EHBP1: variants seen among roughly 807,000 people sequenced by gnomAD.
EHBP1 encodes the protein EH domain-binding protein 1.
Under a neutral mutation model 144.0 loss-of-function variants are expected in EHBP1, and 55 were observed. That is an observed-to-expected ratio of 0.38 (90% CI 0.31 to 0.48). The LOEUF is 0.48. Ranked by LOEUF, EHBP1 falls within the 20% of genes least tolerant of loss-of-function variation. The pLI, the probability that EHBP1 is intolerant of heterozygous loss-of-function variation, is 0.98. For missense variants in EHBP1, 1,200 were observed against 1,364.2 expected (o/e 0.88, Z 1.90); for synonymous variants, 469 against 472.7 (o/e 0.99, Z 0.10).
chr2:62,680,224 T>A (rs1183327291), intron 1 of EHBP1, among the ~76,000 whole-genome samples: 1 of 152,178 alleles, frequency 6.6e-6, no homozygotes, highest in East Asian at 1.9e-4. Context: ...ACAACATGTC[T>A]CCCATTTGAA....
At position 62,949,087 on chromosome 2, in the gene EHBP1, G is replaced by A. The variant is rs2153091346; in HGVS notation, c.2241G>A (p.Leu747=). The change falls in exon 13 of 23, where the codon CTG becomes CTA. Residue 747 remains leucine (L), a synonymous_variant. Coordinates refer to ENST00000431489, the MANE Select transcript of EHBP1 (RefSeq NM_001142616.3). ...LDLAKKKHAS[L]RQTESDPDAD... Reference sequence around the variant, plus strand: ...TTGCTAAGAAAAAACATGCTTCCCTGAGGCAGACGGAGTCTGATCCAGATG... The same window carrying A: ...TTGCTAAGAAAAAACATGCTTCCCTAAGGCAGACGGAGTCTGATCCAGATG... 1 of 1,603,256 alleles carries A rather than the reference G, an allele frequency of 6.2e-7. No individual in the cohort carries two copies. The highest frequency in any genetic ancestry group is 1.3e-5 in the African/African-American group (1 of 74,164).
chr2:62,836,052 CAA>C (rs1163181068), intron 7 of EHBP1, among the ~76,000 whole-genome samples: 2 of 152,046 alleles, frequency 1.3e-5, no homozygotes, highest in African/African-American at 4.8e-5. Context: ...CACAGACAAA[CAA>C]AAAGACAGCA....
At chr2:62,902,236 T>C (rs1202713097) in intron 10 of EHBP1, among the ~76,000 whole-genome samples, 1 of 152,146 alleles carries the variant, frequency 6.6e-6, no homozygotes, top group Non-Finnish European at 1.5e-5. Flanking sequence ...GATTAAGGTA[T>C]GAATTTTTCA....
intron 1 of EHBP1, among the ~76,000 whole-genome samples, chr2:62,687,660 G>A (rs977237217): frequency 1.3e-5 from 2 of 152,136 alleles, no homozygotes; most frequent in African/African-American, 4.8e-5. Flanking sequence ...GTGGATTGAT[G>A]TGCCAATCTA....
At chr2:62,719,757 G>A (rs2036033286) in intron 2 of EHBP1, among the ~76,000 whole-genome samples, 1 of 152,146 alleles carries the variant, frequency 6.6e-6, no homozygotes, top group Non-Finnish European at 1.5e-5. Context: ...AAGTAATTTA[G>A]AGATGACTTT....
chr2:62,726,110 A>G (rs1270522545), intron 2 of EHBP1, among the ~76,000 whole-genome samples: 2 of 152,108 alleles, frequency 1.3e-5, no homozygotes, highest in South Asian at 2.1e-4. Context: ...CTCCTATGGG[A>G]GCAAGTCAAG....
intron 19 of EHBP1, among the ~76,000 whole-genome samples, chr2:63,019,911 G>A (rs2060653751): frequency 1.3e-5 from 2 of 151,284 alleles, no homozygotes; most frequent in Admixed American, 1.3e-4. Context: ...ATGCTGGGCT[G>A]GGTGCGGTGG....
chr2:62,778,958 T>C (rs1169448575), intron 5 of EHBP1, among the ~76,000 whole-genome samples: 1 of 152,182 alleles, frequency 6.6e-6, no homozygotes, highest in East Asian at 1.9e-4. Flanking sequence ...TAGCTTGCAC[T>C]TTCTCCTGTA....
At chr2:62,974,138 C>T (rs1316073972) in intron 14 of EHBP1, among the ~76,000 whole-genome samples, 1 of 152,162 alleles carries the variant, frequency 6.6e-6, no homozygotes, top group Admixed American at 6.5e-5. Context: ...TCTCCAGATA[C>T]TAATAAAATT....
chr2:63,033,263 A>G (rs988364914), intron 19 of EHBP1, among the ~76,000 whole-genome samples: 14 of 152,248 alleles, frequency 9.2e-5, no homozygotes, highest in Admixed American at 7.8e-4. Flanking sequence ...TATTCTTATA[A>G]TCACCATCAG....
chr2:63,037,779 T>C, intron 20 of EHBP1, 145 bp downstream of exon 20: 1 of 514,214 alleles, frequency 1.9e-6, no homozygotes, highest in Non-Finnish European at 3.3e-6. Flanking sequence ...TAAAAAATAG[T>C]ATATGACAGT....
At chr2:62,846,831 A>C (rs1301554777) in intron 7 of EHBP1, among the ~76,000 whole-genome samples, 3 of 152,240 alleles carry the variant, frequency 2.0e-5, no homozygotes, top group Non-Finnish European at 4.4e-5. Context: ...TAATTAAAGA[A>C]GACCTTAATA....
chr2:62,976,880 T>C (rs950760909), intron 14 of EHBP1, among the ~76,000 whole-genome samples: 1 of 152,184 alleles, frequency 6.6e-6, no homozygotes, highest in African/African-American at 2.4e-5. Context: ...ATTTCTATTA[T>C]GAGCATCACA....
At chr2:62,685,769 T>A (rs1396280899) in intron 1 of EHBP1, among the ~76,000 whole-genome samples, 1 of 152,108 alleles carries the variant, frequency 6.6e-6, no homozygotes, top group African/African-American at 2.4e-5. Flanking sequence ...AAATATATGC[T>A]TATTACAGTG....
intron 10 of EHBP1, among the ~76,000 whole-genome samples, chr2:62,913,441 G>A (rs1029449283): frequency 2.0e-5 from 3 of 152,142 alleles, no homozygotes; most frequent in African/African-American, 7.2e-5. Flanking sequence ...CACAAAAAAG[G>A]GACTGCTGCT....
Position 62,955,659 on chromosome 2 carries a change from A to G in EHBP1, c.2459A>G (p.Asp820Gly). Residue 820 changes from aspartate (D) to glycine (G), a missense_variant and splice_region_variant, in exon 14 of 23, where the codon GAT (aspartate) becomes GGT (glycine). Asp to Gly is a moderately conservative substitution (Grantham distance 94). Transcript: ENST00000431489. ...ATPFCNRQLS[D>G]QQDEERRRQL... is the part of the protein sequence containing the mutation. ...CCATTCTGCAACAGGCAGCTAAGTG[A>G]TGTGAGGAGCATTGGTTAAAAAAGA... is the stretch of plus-strand genomic sequence containing the variant. 1.2e-6 allele frequency: 2 copies of G among 1,607,560 alleles called. No individual in the cohort carries two copies. The highest frequency in any genetic ancestry group is 8.5e-7 in the Non-Finnish European group (1 of 1,177,344).
chr2:62,884,690 A>G (rs1038915766), intron 10 of EHBP1, among the ~76,000 whole-genome samples: 4 of 152,244 alleles, frequency 2.6e-5, no homozygotes, highest in African/African-American at 7.2e-5. Context: ...TATGCTGACA[A>G]TAATTAAAAA....
chr2:63,044,021 C>T (rs2061808959), intron 21 of EHBP1: 2 of 129,046 alleles, frequency 1.5e-5, no homozygotes, highest in African/African-American at 5.8e-5. Flanking sequence ...TGCTATCTGC[C>T]TCATCATCTA....
chr2:63,036,552 C>A (rs1275332256), intron 19 of EHBP1, among the ~76,000 whole-genome samples: 1 of 151,752 alleles, frequency 6.6e-6, no homozygotes, highest in Non-Finnish European at 1.5e-5. Context: ...GAATGCCATA[C>A]AGAAGTTAGA....
Sources: gnomAD v4.1 joint callset for allele counts (sites outside exome capture counted in the v4.1 genomes callset) on GRCh38, gnomAD v4.1.1 for gene constraint, MANE v1.5 for transcripts, NCBI Gene and HGNC (gene_info 2026-07-23, HGNC 2026-07-21) for gene names.